UBASH3B: variants seen among roughly 807,000 people sequenced by gnomAD.
The protein encoded by UBASH3B is ubiquitin-associated and SH3 domain-containing protein B.
A neutral mutation model predicts 83.4 loss-of-function variants in UBASH3B; 37 were observed. That is an observed-to-expected ratio of 0.44 (90% confidence interval 0.34 to 0.58). The LOEUF (loss-of-function observed/expected upper bound fraction) is 0.58, where lower values mean the gene tolerates loss of function less well. Ranked by LOEUF, UBASH3B falls within the 20% of genes least tolerant of loss-of-function variation. The pLI is 0.01. For missense variants in UBASH3B, 657 were observed against 827.2 expected (o/e 0.79, Z 2.52); for synonymous variants, 304 against 318.3 (o/e 0.96, Z 0.48).
rs142343471 is a variant in UBASH3B, at chr11:122,743,529, T to C, written c.162-32690T>C. Among the ~76,000 whole-genome samples the C allele has an allele frequency of 3.2e-3, 482 of 152,302 alleles. 1 individual carries two copies. Among genetic ancestry groups the C allele is most frequent in the Non-Finnish European group, 5.7e-3 (388 of 68,026 alleles). On this transcript the variant is annotated intron_variant, in intron 1 of 13. Coordinates refer to ENST00000284273, the MANE Select transcript of UBASH3B (RefSeq NM_032873.5). ...TTCCTGGCTGACTGATTAAGTCCCA[T>C]GCCTGGCTGACTTAATCTCTTGCCT... is the stretch of plus-strand genomic sequence containing the variant.
intron 1 of UBASH3B, among the ~76,000 whole-genome samples, chr11:122,748,389 C>T (rs1861152768): frequency 6.6e-6 from 1 of 152,332 alleles, no homozygotes; most frequent in East Asian, 1.9e-4. Flanking sequence ...CAACATACCT[C>T]CAGTCTGGTT....
chr11:122,796,624 A>T (rs1160847003), intron 8 of UBASH3B, among the ~76,000 whole-genome samples: 1 of 152,148 alleles, frequency 6.6e-6, no homozygotes, highest in African/African-American at 2.4e-5. Context: ...GCATTTGAAG[A>T]TACAGAGGCT....
chr11:122,754,116 C>T (rs1359322818), intron 1 of UBASH3B, among the ~76,000 whole-genome samples: 1 of 152,190 alleles, frequency 6.6e-6, no homozygotes, highest in African/African-American at 2.4e-5. Context: ...TTGGCCGCTG[C>T]ACGTCTAATG....
At chr11:122,675,686 C>G (rs1863658230) in intron 1 of UBASH3B, among the ~76,000 whole-genome samples, 1 of 152,088 alleles carries the variant, frequency 6.6e-6, no homozygotes, top group African/African-American at 2.4e-5. Context: ...GTCCATGGCC[C>G]CCAGAGATAA....
intron 1 of UBASH3B, among the ~76,000 whole-genome samples, chr11:122,735,375 C>G (rs1039838462): frequency 6.6e-6 from 1 of 152,140 alleles, no homozygotes; most frequent in Non-Finnish European, 1.5e-5. Context: ...AACAGCTTGT[C>G]ACAAAGACAG....
chr11:122,680,707 C>A (rs189214675), intron 1 of UBASH3B, among the ~76,000 whole-genome samples: 2 of 151,914 alleles, frequency 1.3e-5, no homozygotes, highest in African/African-American at 2.4e-5. Flanking sequence ...AAGTGATCCA[C>A]CCGCCTCAGC....
At chr11:122,700,497 C>CTTTTTT (rs10640825) in intron 1 of UBASH3B, among the ~76,000 whole-genome samples, 8 of 118,770 alleles carry the variant, frequency 6.7e-5, no homozygotes, top group Admixed American at 1.0e-4. Context: ...TACTTCTGAT[C>CTTTTTT]TTTTTTTTTT....
At chr11:122,777,001 G>C (rs767280433) in intron 2 of UBASH3B, 23 bp from the exon 3 acceptor site, 4 of 1,564,430 alleles carry the variant, frequency 2.6e-6, no homozygotes, top group East Asian at 2.3e-5. Flanking sequence ...GCGACACCTT[G>C]TTGGCTTACT....
At chr11:122,745,099 G>A (rs1384948647) in intron 1 of UBASH3B, among the ~76,000 whole-genome samples, 1 of 152,156 alleles carries the variant, frequency 6.6e-6, no homozygotes, top group Non-Finnish European at 1.5e-5. Context: ...CTGCAAGCAC[G>A]TCCTGGAAGC....
intron 1 of UBASH3B, among the ~76,000 whole-genome samples, chr11:122,732,656 A>G (rs1204922435): frequency 1.3e-5 from 2 of 152,182 alleles, no homozygotes; most frequent in African/African-American, 4.8e-5. Context: ...TGGAGATGAA[A>G]TCGTGGTTTG....
intron 1 of UBASH3B, among the ~76,000 whole-genome samples, chr11:122,717,353 C>T (rs1860542620): frequency 6.6e-6 from 1 of 152,196 alleles, no homozygotes; most frequent in Non-Finnish European, 1.5e-5. Flanking sequence ...TGATGCTACC[C>T]CACAGTCCGA....
chr11:122,674,418 T>C (rs1325443984), intron 1 of UBASH3B, among the ~76,000 whole-genome samples: 6 of 150,776 alleles, frequency 4.0e-5, no homozygotes, highest in South Asian at 2.1e-4. Flanking sequence ...TCTAGCTCTG[T>C]TGCTGAGGCT....
intron 1 of UBASH3B, among the ~76,000 whole-genome samples, chr11:122,669,658 G>A (rs892760925): frequency 1.3e-5 from 2 of 152,138 alleles, no homozygotes; most frequent in Admixed American, 6.5e-5. Context: ...CCAAGCACCA[G>A]GTAGTCATAG....
intron 3 of UBASH3B, 102 bp downstream of exon 3, chr11:122,777,312 AAT>A: frequency 7.7e-7 from 1 of 1,292,526 alleles, no homozygotes; most frequent in Non-Finnish European, 1.0e-6. Flanking sequence ...AGACAGCAGG[AAT>A]AGTCACAGGC....
intron 9 of UBASH3B, 175 bp downstream of exon 9, chr11:122,797,208 TG>T: frequency 1.1e-6 from 1 of 877,312 alleles, no homozygotes; most frequent in Non-Finnish European, 1.6e-6. Flanking sequence ...TGCTCAGCCC[TG>T]GGTTGGTTGA....
At chr11:122,744,766 CAT>C (rs1418661231) in intron 1 of UBASH3B, among the ~76,000 whole-genome samples, 3 of 151,700 alleles carry the variant, frequency 2.0e-5, no homozygotes, top group Admixed American at 6.6e-5. Context: ...TGAGTGATCA[CAT>C]GTGTGCTATA....
intron 13 of UBASH3B, 121 bp downstream of exon 13, chr11:122,808,297 T>A (rs1861378038): frequency 7.1e-6 from 6 of 839,174 alleles, no homozygotes; most frequent in Non-Finnish European, 1.2e-5. Context: ...TATTCATTTA[T>A]TGCTTCACTC....
At chr11:122,774,581 A>G (rs973496333) in intron 1 of UBASH3B, among the ~76,000 whole-genome samples, 3 of 152,150 alleles carry the variant, frequency 2.0e-5, no homozygotes, top group Non-Finnish European at 4.4e-5. Context: ...TAATTGCTCC[A>G]TAGAAGGGTA....
chr11:122,777,997 TG>T (rs1321683121), intron 3 of UBASH3B, among the ~76,000 whole-genome samples: 1 of 152,154 alleles, frequency 6.6e-6, no homozygotes, highest in Non-Finnish European at 1.5e-5. Flanking sequence ...CCCAAAGTGC[TG>T]GGATTATAGG....
Sources: gnomAD v4.1 joint callset for allele counts (sites outside exome capture counted in the v4.1 genomes callset) on GRCh38, gnomAD v4.1.1 for gene constraint, MANE v1.5 for transcripts, NCBI Gene and HGNC (gene_info 2026-07-23, HGNC 2026-07-21) for gene names.